The following WIPF1 variants were observed in gnomAD, a reference collection of about 807,000 sequenced individuals.
The protein encoded by WIPF1 is WAS/WASL-interacting protein family member 1.
A neutral mutation model predicts 35.4 loss-of-function variants in WIPF1; 13 were observed. The observed-to-expected ratio is 0.37, with a 90% CI of 0.24 to 0.58. The LOEUF is 0.58. Ranked by LOEUF, WIPF1 falls within the 20% of genes least tolerant of loss-of-function variation. WIPF1 has a pLI of 0.74. For synonymous variants in WIPF1, 267 were observed against 266.3 expected, an observed-to-expected ratio of 1.00 and a Z score of -0.02; for missense variants, 591 against 667.0, an observed-to-expected ratio of 0.89 and a Z score of 1.25.
chr2:174,631,171 G>A (rs1374683516), intron 1 of WIPF1, among the ~76,000 whole-genome samples: 3 of 152,148 alleles, frequency 2.0e-5, no homozygotes, highest in Non-Finnish European at 2.9e-5. Context: ...GCAAACCCAC[G>A]TTCATAGCAG....
In WIPF1 at chr2:174,572,197, G is replaced by C; in HGVS notation, c.608C>G (p.Ser203Cys). 1.2e-6 allele frequency: 2 copies of C among 1,614,194 alleles called. No individual in the cohort carries two copies. The highest frequency in any genetic ancestry group is 4.5e-5 in the East Asian group (2 of 44,884). Residue 203 changes from serine to cysteine, a missense_variant, in exon 5 of 8, where the codon TCC becomes TGC. By Grantham distance (112) the Ser-to-Cys change is moderately radical (BLOSUM62 -1). Transcript: ENST00000679041. ...PIQSSPHNRG[S>C]PPVPGGPRQP... ...CCTGGGGCCTCCGGGCACTGGTGGG[G>C]ACCCCCGGTTGTGCGGACTTGATTG...
intron 1 of WIPF1, among the ~76,000 whole-genome samples, chr2:174,612,615 T>C (rs1376516838): frequency 1.3e-5 from 2 of 152,050 alleles, no homozygotes; most frequent in East Asian, 3.8e-4. Context: ...ACGATTAAAT[T>C]ATTTTCTCAA....
chr2:174,608,706 T>A (rs1053713336), intron 1 of WIPF1, among the ~76,000 whole-genome samples: 2 of 152,180 alleles, frequency 1.3e-5, no homozygotes, highest in African/African-American at 4.8e-5. Flanking sequence ...GCACACACAC[T>A]GAGAGAAGCT....
chr2:174,567,921 G>C lies in WIPF1; in HGVS notation c.1282C>G (p.Pro428Ala), dbSNP rs749199595. Residue 428 changes from proline (P) to alanine (A), a missense_variant, in exon 6 of 8, where the codon CCT (proline) becomes GCT (alanine). Pro to Ala is a conservative substitution (Grantham distance 27). Transcript: ENST00000679041. ...GATGTTGATGGTGGAGGTGGGGGAG[G>C]TGCCCCAGCACTGGGCCTATCAGGA... ...LPPDRPSAGA[P>A]PPPPPSTSIR... is the part of the protein sequence containing the mutation. The C allele has an allele frequency of 1.9e-6, 3 of 1,612,766 alleles. No homozygotes were observed. In the African/African-American group the frequency reaches 4.0e-5, roughly 22 times the overall value.
At chr2:174,567,036 G>A (rs775272660) in intron 7 of WIPF1, 34 bp downstream of exon 7, 30 of 1,599,812 alleles carry the variant, frequency 1.9e-5, no homozygotes, top group African/African-American at 8.0e-5. Context: ...CTACTCAAGC[G>A]TGAATCTTCA....
chr2:174,678,526 C>T (rs1688181823), intron 1 of WIPF1, among the ~76,000 whole-genome samples: 1 of 152,240 alleles, frequency 6.6e-6, no homozygotes, highest in South Asian at 2.1e-4. Context: ...CAGTGGTACC[C>T]TCACCCCATG....
chr2:174,595,290 C>CAAAAAAAAAAAAAAA (rs377491345), intron 1 of WIPF1, among the ~76,000 whole-genome samples: 1 of 45,290 alleles, frequency 2.2e-5, no homozygotes, highest in African/African-American at 8.1e-5. Flanking sequence ...AACCCTGTCT[C>CAAAAAAAAAAAAAAA]AAAAAAAAAA....
intron 1 of WIPF1, among the ~76,000 whole-genome samples, chr2:174,611,494 T>C (rs890198939): frequency 2.6e-5 from 4 of 152,238 alleles, no homozygotes; most frequent in African/African-American, 9.6e-5. Context: ...GAAAGGACTT[T>C]AAGGTGGTAT....
intron 1 of WIPF1, among the ~76,000 whole-genome samples, chr2:174,626,653 C>T (rs1686843887): frequency 6.6e-6 from 1 of 152,174 alleles, no homozygotes; most frequent in Non-Finnish European, 1.5e-5. Flanking sequence ...TTTTCCTTAA[C>T]TCCTCTCTTT....
Position 174,572,047 on chromosome 2 carries a change from G to T in WIPF1, c.758C>A (p.Pro253Gln), listed in dbSNP as rs1447156236. Residue 253 changes from proline to glutamine, a missense_variant, in exon 5 of 8, where the codon CCG (proline) becomes CAG (glutamine). This residue lies in a region of WIPF1 where 471 missense variants were observed against 501.1 expected (regional missense o/e 0.94). Coordinates refer to ENST00000679041, the MANE Select transcript of WIPF1 (RefSeq NM_001375834.1). ...SSPFSNRPPLPPTPSRALDDK... is the reference protein window; with the variant it reads ...SSPFSNRPPLQPTPSRALDDK... ...ATCCAAGGCCCTGCTGGGGGTAGGC[G>T]GCAGGGGAGGCCGGTTGGAGAAGGG... The T allele has an allele frequency of 3.9e-6, 6 of 1,550,734 alleles. No homozygotes were observed. The highest frequency in any genetic ancestry group is 5.2e-6 in the Non-Finnish European group (6 of 1,150,894).
chr2:174,647,649 TA>T (rs10716104), intron 1 of WIPF1, among the ~76,000 whole-genome samples: 129,875 of 141,406 alleles, frequency 0.92, 60,499 homozygotes, highest in South Asian at 0.99. Flanking sequence ...GACCCTGTCT[TA>T]AAAAAAAAAA....
intron 1 of WIPF1, among the ~76,000 whole-genome samples, chr2:174,672,705 G>A (rs779997213): frequency 3.2e-4 from 49 of 152,122 alleles, no homozygotes; most frequent in Admixed American, 1.0e-3. Context: ...GTGTCCCATC[G>A]GAGGCATCAC....
At chr2:174,631,977 G>A (rs1486572001) in intron 1 of WIPF1, among the ~76,000 whole-genome samples, 1 of 152,188 alleles carries the variant, frequency 6.6e-6, no homozygotes, top group East Asian at 1.9e-4. Flanking sequence ...AGAGATTTGT[G>A]AAGTTAGCCT....
In WIPF1 at chr2:174,572,259, G is replaced by A. The variant is rs1404586226; in HGVS notation, c.546C>T (p.Ser182=). The part of the protein sequence containing the change: ...PRPDVGSKPD[S]IPPPVPSTPR... ...GAGTACTAGGTACTGGAGGAGGAAT[G>A]CTATCAGGCTTTGAGCCCACGTCGG... Residue 182 remains serine, a synonymous_variant, in exon 5 of 8, where the codon AGC becomes AGT. Transcript: ENST00000679041. 3 of 1,614,166 alleles carry A rather than the reference G, an allele frequency of 1.9e-6. No homozygotes were observed. Among genetic ancestry groups the A allele is most frequent in the Non-Finnish European group, 2.5e-6 (3 of 1,180,030 alleles).
intron 1 of WIPF1, among the ~76,000 whole-genome samples, chr2:174,675,925 T>TC (rs1478582007): frequency 1.3e-5 from 2 of 149,498 alleles, no homozygotes; most frequent in Non-Finnish European, 3.0e-5. Flanking sequence ...CGATTTCTTT[T>TC]TTTTTTTTTT....
upstream of WIPF1, among the ~76,000 whole-genome samples, chr2:174,601,020 G>A (rs551414743): frequency 8.3e-5 from 12 of 145,124 alleles, no homozygotes; most frequent in African/African-American, 3.1e-4. Flanking sequence ...CACTTCCCAG[G>A]TTCAAGCGAT....
intron 1 of WIPF1, among the ~76,000 whole-genome samples, chr2:174,626,710 T>C (rs1406141585): frequency 6.6e-6 from 1 of 152,232 alleles, no homozygotes; most frequent in Admixed American, 6.5e-5. Flanking sequence ...GGTTCTACCT[T>C]CAAAATAACC....
chr2:174,595,109 A>AAAAATATATATATAT (rs1553529785), intron 1 of WIPF1, among the ~76,000 whole-genome samples: 2 of 57,738 alleles, frequency 3.5e-5, no homozygotes, highest in African/African-American at 1.8e-4. Context: ...AAAAAAAAAA[A>AAAAATATATATATAT]ATATATATAT....
intron 1 of WIPF1, among the ~76,000 whole-genome samples, chr2:174,588,774 T>C (rs1483600608): frequency 6.6e-6 from 1 of 152,198 alleles, no homozygotes; most frequent in Non-Finnish European, 1.5e-5. Flanking sequence ...AAAGAAGTGC[T>C]GCCTTTCCTT....
Sources: gnomAD v4.1 joint callset for allele counts (sites outside exome capture counted in the v4.1 genomes callset) on GRCh38, gnomAD v4.1.1 for gene constraint, gnomAD v4.1.1 regional missense constraint, MANE v1.5 for transcripts, NCBI Gene and HGNC (gene_info 2026-07-23, HGNC 2026-07-21) for gene names.